Variants in GRIK2 observed in about 807,000 individuals in gnomAD.
The protein encoded by GRIK2 is glutamate receptor ionotropic, kainate 2.
A neutral mutation model predicts 100.3 loss-of-function variants in GRIK2; 32 were observed. That is an observed-to-expected ratio of 0.32 (90% confidence interval 0.24 to 0.43). GRIK2 has a LOEUF of 0.43. Among genes scored for constraint, GRIK2 ranks in the 20% least tolerant of loss-of-function variants. GRIK2 has a pLI of 1.00. For missense variants in GRIK2, 843 were observed against 1,114.9 expected, an observed-to-expected ratio of 0.76 and a Z score of 3.47; for synonymous variants, 417 against 389.4, an observed-to-expected ratio of 1.07 and a Z score of -0.83.
At chr6:101,781,247 A>G (rs1779074209) in intron 7 of GRIK2, among the ~76,000 whole-genome samples, 1 of 152,190 alleles carries the variant, frequency 6.6e-6, no homozygotes, top group Non-Finnish European at 1.5e-5. Flanking sequence ...AATTGGTCAC[A>G]ATCAGTGACA....
intron 7 of GRIK2, among the ~76,000 whole-genome samples, chr6:101,791,607 TGAG>T (rs1481763307): frequency 6.6e-6 from 1 of 152,178 alleles, no homozygotes; most frequent in Non-Finnish European, 1.5e-5. Context: ...TTACATTTGC[TGAG>T]GAGAGCTTTA....
intron 7 of GRIK2, among the ~76,000 whole-genome samples, chr6:101,700,387 A>C (rs918553691): frequency 1.3e-5 from 2 of 152,092 alleles, no homozygotes; most frequent in Admixed American, 6.6e-5. Flanking sequence ...ATATAAACAT[A>C]AAATAGCATT....
intron 10 of GRIK2, among the ~76,000 whole-genome samples, chr6:101,834,012 G>A (rs1422232661): frequency 6.6e-6 from 1 of 151,838 alleles, no homozygotes. Flanking sequence ...TTTTTCTTCT[G>A]GAAGAAATGC....
intron 7 of GRIK2, among the ~76,000 whole-genome samples, chr6:101,703,564 G>A (rs1404879458): frequency 6.6e-6 from 1 of 151,784 alleles, no homozygotes. Flanking sequence ...TGTGAGGTGA[G>A]AGAGAAGAGG....
At chr6:101,839,610 T>C (rs1454545083) in intron 10 of GRIK2, among the ~76,000 whole-genome samples, 1 of 152,124 alleles carries the variant, frequency 6.6e-6, no homozygotes, top group African/African-American at 2.4e-5. Context: ...GTTTTGAAGG[T>C]GGAATTGTTG....
At chr6:101,880,768 T>C (rs1786190117) in intron 11 of GRIK2, among the ~76,000 whole-genome samples, 1 of 151,996 alleles carries the variant, frequency 6.6e-6, no homozygotes, top group African/African-American at 2.4e-5. Flanking sequence ...TGCATGAACA[T>C]ATGAGAATAA....
rs1015300662 is a variant in GRIK2, at chr6:101,425,001, A to C, written c.115+25609A>C. Among the ~76,000 whole-genome samples, 11 of 151,884 alleles carry C rather than the reference A, an allele frequency of 7.2e-5. No individual in the cohort carries two copies. The East Asian group carries it at 2.1e-3, about 29-fold the overall frequency. On this transcript the variant is annotated intron_variant, in intron 2 of 16. Transcript: ENST00000369134. ...TTTGGGTTGGTTCCAAGTCTTTGCT[A>C]TTGTGAATAGTGCCACAATAAACAT...
intron 2 of GRIK2, among the ~76,000 whole-genome samples, chr6:101,581,289 T>TGG (rs1778083375): frequency 7.0e-6 from 1 of 142,410 alleles, no homozygotes; most frequent in Non-Finnish European, 1.5e-5. Context: ...TATACACACG[T>TGG]GTGTGTGTGT....
intron 4 of GRIK2, among the ~76,000 whole-genome samples, chr6:101,653,374 T>C (rs1214831869): frequency 6.6e-6 from 1 of 151,982 alleles, no homozygotes; most frequent in Non-Finnish European, 1.5e-5. Context: ...GCCCAGCCTC[T>C]GCTTACTCCT....
chr6:101,500,797 C>T (rs1299118120), intron 2 of GRIK2, among the ~76,000 whole-genome samples: 3 of 152,040 alleles, frequency 2.0e-5, no homozygotes, highest in Admixed American at 2.0e-4. Context: ...TAGATTCCAA[C>T]TCAGCTCTAT....
intron 7 of GRIK2, among the ~76,000 whole-genome samples, chr6:101,768,178 T>C (rs1168295714): frequency 6.6e-6 from 1 of 152,188 alleles, no homozygotes; most frequent in Non-Finnish European, 1.5e-5. Context: ...TTAATAGTGT[T>C]ATTTATTTAT....
chr6:101,901,150 A>G (rs1282215250), intron 12 of GRIK2, among the ~76,000 whole-genome samples: 1 of 152,032 alleles, frequency 6.6e-6, no homozygotes, highest in Non-Finnish European at 1.5e-5. Context: ...TTTATTTGCA[A>G]ATAAATAGCT....
chr6:101,579,591 G>A (rs754723321), intron 2 of GRIK2, among the ~76,000 whole-genome samples: 36 of 151,946 alleles, frequency 2.4e-4, no homozygotes, highest in East Asian at 5.8e-4. Flanking sequence ...GGTGGATCAT[G>A]CCTGTAATCC....
chr6:101,769,015 T>C (rs1778228385), intron 7 of GRIK2, among the ~76,000 whole-genome samples: 1 of 152,190 alleles, frequency 6.6e-6, no homozygotes, highest in Non-Finnish European at 1.5e-5. Flanking sequence ...AGGCTAAAAT[T>C]ATAGCTGATA....
At chr6:101,623,359 T>A (rs958675738) in intron 3 of GRIK2, among the ~76,000 whole-genome samples, 30 of 152,054 alleles carry the variant, frequency 2.0e-4, no homozygotes, top group Non-Finnish European at 3.8e-4. Context: ...GATGAAAGGT[T>A]TTGAAGACTG....
chr6:101,786,439 A>G (rs1779428906), intron 7 of GRIK2, among the ~76,000 whole-genome samples: 1 of 152,032 alleles, frequency 6.6e-6, no homozygotes, highest in Non-Finnish European at 1.5e-5. Flanking sequence ...GGTGTGTCAT[A>G]TATGGCCTGT....
At chr6:101,871,102 A>C (rs73496624) in intron 11 of GRIK2, among the ~76,000 whole-genome samples, 11,485 of 151,890 alleles carry the variant, frequency 0.076, 1,196 homozygotes, top group African/African-American at 0.23. Context: ...AATATAGTAC[A>C]TGCTGTAATA....
intron 15 of GRIK2, among the ~76,000 whole-genome samples, chr6:102,050,307 A>G (rs2114486897): frequency 6.6e-6 from 1 of 152,010 alleles, no homozygotes; most frequent in South Asian, 2.1e-4. Context: ...GGGGGAAGGG[A>G]GAGAAGAGCA....
chr6:101,879,068 A>T (rs1474914919), intron 11 of GRIK2, among the ~76,000 whole-genome samples: 2 of 152,030 alleles, frequency 1.3e-5, no homozygotes, highest in Non-Finnish European at 2.9e-5. Context: ...ACTTCTGGGA[A>T]GCGAAATGAG....
Sources: allele counts gnomAD v4.1 joint callset (sites outside exome capture counted in the v4.1 genomes callset), GRCh38; gene constraint gnomAD v4.1.1; transcripts MANE v1.5; gene names NCBI Gene and HGNC (gene_info 2026-07-23, HGNC 2026-07-21).